Variants in GALC observed in about 807,000 individuals in gnomAD.
GALC encodes galactocerebrosidase.
A neutral mutation model predicts 91.8 loss-of-function variants in GALC; 77 were observed. That is an observed-to-expected ratio of 0.84 (90% CI 0.70 to 1.01). GALC has a LOEUF of 1.01. GALC is among the 50% of genes least tolerant of loss of function. GALC has a pLI of 0.00. For missense variants in GALC, 882 were observed against 855.9 expected, an observed-to-expected ratio of 1.03 and a Z score of -0.38; for synonymous variants, 357 against 306.7, an observed-to-expected ratio of 1.16 and a Z score of -1.71.
Position 87,988,159 on chromosome 14 carries a change from C to T in GALC, c.313G>A (p.Asp105Asn), listed in dbSNP as rs1361755363. 3 of 1,613,728 alleles carry T rather than the reference C, an allele frequency of 1.9e-6. No homozygotes were observed. Among genetic ancestry groups the T allele is most frequent in the Non-Finnish European group, 8.5e-7 (1 of 1,179,800 alleles). The change falls in exon 3 of 17, where the codon GAT (aspartate) becomes AAT (asparagine). Residue 105 changes from aspartate to asparagine, a missense_variant. By Grantham distance (23) the Asp-to-Asn change is conservative. Transcript: ENST00000261304. ...LHILKVEIGG[D>N]GQTTDGTEPS... ...ATTCTCCTACCTGTTGTCTGCCCAT[C>T]ACCACCTATTTCCACTTTTAAAATA... is the stretch of plus-strand genomic sequence containing the variant.
chr14:87,979,853 C>G (rs2140023675), intron 6 of GALC, among the ~76,000 whole-genome samples: 1 of 152,314 alleles, frequency 6.6e-6, no homozygotes, highest in East Asian at 1.9e-4. Context: ...GCTCTGTCCC[C>G]TTACTGCTCT....
intron 11 of GALC, 141 bp from the exon 12 acceptor site, chr14:87,950,072 T>C: frequency 1.9e-6 from 1 of 514,488 alleles, no homozygotes; most frequent in Non-Finnish European, 3.4e-6. Flanking sequence ...TATTAAATAA[T>C]AATATTTTTA....
chr14:87,979,692 T>C (rs78225849), intron 6 of GALC, among the ~76,000 whole-genome samples: 17,184 of 152,212 alleles, frequency 0.11, 1,129 homozygotes, highest in Non-Finnish European at 0.16. Context: ...AAGAGAGACA[T>C]GTGTACAATC....
At chr14:87,974,548 G>C (rs972349570) in intron 7 of GALC, among the ~76,000 whole-genome samples, 1 of 151,988 alleles carries the variant, frequency 6.6e-6, no homozygotes, top group Non-Finnish European at 1.5e-5. Flanking sequence ...AACACACCTG[G>C]GTAGCCCTGA....
At chr14:87,955,179 G>C in intron 10 of GALC, 1 of 1,276,438 alleles carries the variant, frequency 7.8e-7, no homozygotes, top group Non-Finnish European at 1.1e-6. Context: ...ACACTGTAAA[G>C]CATGGAGCCG....
intron 14 of GALC, among the ~76,000 whole-genome samples, chr14:87,944,350 A>G (rs1164957216): frequency 6.6e-6 from 1 of 151,892 alleles, no homozygotes; most frequent in African/African-American, 2.4e-5. Context: ...ATGTCACAGA[A>G]AAAAAAGTTT....
chr14:87,971,198 C>A (rs1018421669), intron 7 of GALC, among the ~76,000 whole-genome samples: 6 of 152,116 alleles, frequency 3.9e-5, no homozygotes, highest in African/African-American at 1.4e-4. Flanking sequence ...GACAGGGACT[C>A]TCCCCAGGAG....
At chr14:87,989,796 T>C (rs1179305665) in intron 1 of GALC, 2 of 152,200 alleles carry the variant, frequency 1.3e-5, no homozygotes, top group Non-Finnish European at 2.9e-5. Flanking sequence ...CACGAAACTC[T>C]TCCATGTAAA....
At chr14:87,984,277 GAACA>G in intron 5 of GALC, 113 bp downstream of exon 5, 1 of 995,622 alleles carries the variant, frequency 1.0e-6, no homozygotes, top group Non-Finnish European at 1.5e-6. Context: ...GACACCATTA[GAACA>G]AATTAGCCTC....
chr14:87,984,352 C>T (rs2139749188), intron 5 of GALC, 42 bp downstream of exon 5: 1 of 1,567,366 alleles, frequency 6.4e-7, no homozygotes, highest in Non-Finnish European at 8.7e-7. Context: ...AAATTACAAA[C>T]AAATGTCCAA....
At chr14:87,981,370 G>A (rs1886741161) in intron 6 of GALC, 1 of 161,744 alleles carries the variant, frequency 6.2e-6, no homozygotes, top group African/African-American at 2.4e-5. Flanking sequence ...CTGCTCCAGT[G>A]ATGGGTGCAC....
chr14:87,949,982 T>C (rs1458711333), intron 11 of GALC, 51 bp from the exon 12 acceptor site: 1 of 921,292 alleles, frequency 1.1e-6, no homozygotes. Context: ...CACATCCTCT[T>C]TGAGGATTTC....
intron 16 of GALC, among the ~76,000 whole-genome samples, chr14:87,938,232 G>C (rs1884673921): frequency 6.6e-6 from 1 of 151,992 alleles, no homozygotes; most frequent in Admixed American, 6.6e-5. Flanking sequence ...CTATGTGCTA[G>C]TGAAGGGAGT....
chr14:87,943,619 A>C (rs367221), intron 14 of GALC, among the ~76,000 whole-genome samples: 145,562 of 152,062 alleles, frequency 0.96, 69,964 homozygotes, highest in Non-Finnish European at 1. Context: ...ATATTGGGTA[A>C]ATCTTATTCC....
chr14:87,970,736 G>A (rs532636912), intron 7 of GALC, among the ~76,000 whole-genome samples: 1 of 151,334 alleles, frequency 6.6e-6, no homozygotes, highest in African/African-American at 2.4e-5. Flanking sequence ...AGGCGTGGAG[G>A]TGTGTGCCTG....
chr14:87,938,254 T>C (rs746433547), intron 16 of GALC, among the ~76,000 whole-genome samples: 10 of 151,922 alleles, frequency 6.6e-5, no homozygotes, highest in African/African-American at 9.7e-5. Flanking sequence ...GGAAAACACA[T>C]GAACAATTAA....
At chr14:87,993,330 T>C, upstream of GALC, 1 of 1,536,004 alleles carries the variant, frequency 6.5e-7, no homozygotes, top group Admixed American at 2.0e-5. Context: ...CAGCGAGCTT[T>C]TTCTTATCGC....
At chr14:87,980,137 C>G (rs1886674553) in intron 6 of GALC, among the ~76,000 whole-genome samples, 1 of 152,164 alleles carries the variant, frequency 6.6e-6, no homozygotes, top group African/African-American at 2.4e-5. Flanking sequence ...AATCCCAGCA[C>G]TTTGGGAGGC....
At chr14:87,958,196 TCGCAGCA>T (rs1285206370) in intron 10 of GALC, among the ~76,000 whole-genome samples, 1 of 152,118 alleles carries the variant, frequency 6.6e-6, no homozygotes, top group Non-Finnish European at 1.5e-5. Context: ...CCTATTGAGT[TCGCAGCA>T]CGCAGTGTTG....
Sources: allele counts gnomAD v4.1 joint callset (sites outside exome capture counted in the v4.1 genomes callset), GRCh38; gene constraint gnomAD v4.1.1; transcripts MANE v1.5; gene names NCBI Gene and HGNC (gene_info 2026-07-23, HGNC 2026-07-21).